TENM2: variants seen among roughly 807,000 people sequenced by gnomAD.
TENM2 encodes the protein teneurin-2.
In TENM2, 52 loss-of-function variants were observed where a neutral mutation model predicts 245.2. The ratio of observed to expected loss-of-function variants is 0.21; its 90% CI spans 0.17 to 0.27. The LOEUF (loss-of-function observed/expected upper bound fraction) is 0.27. TENM2 is among the 10% of genes least tolerant of loss of function. TENM2 has a pLI of 1.00. For missense variants in TENM2, 3,046 were observed against 3,666.8 expected (o/e 0.83, Z 4.37); for synonymous variants, 1,363 against 1,438.9 (o/e 0.95, Z 1.19).
At chr5:167,949,803 A>C (rs1044688739) in intron 3 of TENM2, among the ~76,000 whole-genome samples, 3 of 152,140 alleles carry the variant, frequency 2.0e-5, no homozygotes, top group African/African-American at 7.2e-5. Context: ...CCCAGGGGTC[A>C]CATTTACCAC....
At chr5:167,081,920 A>G in the TENM2 span, among the ~76,000 whole-genome samples, 1 of 152,104 alleles carries the variant, frequency 6.6e-6, no homozygotes, top group Non-Finnish European at 1.5e-5. Flanking sequence ...CTTCTGCAAA[A>G]TTGTGTTAAA....
chr5:167,363,301 G>C (rs946324566), intron 1 of TENM2, among the ~76,000 whole-genome samples: 1 of 152,082 alleles, frequency 6.6e-6, no homozygotes, highest in Non-Finnish European at 1.5e-5. Context: ...CTAAAAAGAG[G>C]TATGTGTTCA....
chr5:167,631,626 A>G (rs1478200055), intron 2 of TENM2, among the ~76,000 whole-genome samples: 2 of 152,140 alleles, frequency 1.3e-5, no homozygotes, highest in African/African-American at 4.8e-5. Context: ...GTCGCTGAGC[A>G]TGTACCATAT....
intron 2 of TENM2, among the ~76,000 whole-genome samples, chr5:167,445,328 T>TAGAGAGAGAGAGAGAGAGAGAGAGAG (rs1324065066): frequency 3.0e-5 from 1 of 33,178 alleles, no homozygotes. Flanking sequence ...TATATATATA[T>TAGAGAGAGAGAGAGAGAGAGAGAGAG]ATATATATAG....
intron 2 of TENM2, among the ~76,000 whole-genome samples, chr5:167,414,391 A>C (rs765462703): frequency 8.5e-5 from 13 of 152,182 alleles, no homozygotes; most frequent in Admixed American, 3.3e-4. Context: ...TCTTTAAAAA[A>C]TTGATTGGAA....
At chr5:167,238,424 G>C in the TENM2 span, among the ~76,000 whole-genome samples, 7 of 152,092 alleles carry the variant, frequency 4.6e-5, no homozygotes, top group Admixed American at 2.0e-4. Flanking sequence ...AGTATTTCCT[G>C]CTTCTCCCCT....
At chr5:167,825,233 C>G (rs1365150355) in intron 2 of TENM2, among the ~76,000 whole-genome samples, 1 of 151,982 alleles carries the variant, frequency 6.6e-6, no homozygotes, top group Non-Finnish European at 1.5e-5. Context: ...GACACATAAT[C>G]CAGCAGATCA....
intron 9 of TENM2, among the ~76,000 whole-genome samples, chr5:168,098,652 T>TCC (rs1041133140): frequency 1.3e-5 from 2 of 152,160 alleles, no homozygotes; most frequent in African/African-American, 2.4e-5. Context: ...AAAATGCTTC[T>TCC]CACAAGAACA....
At chr5:167,579,589 C>A (rs1774944012) in intron 2 of TENM2, among the ~76,000 whole-genome samples, 1 of 152,208 alleles carries the variant, frequency 6.6e-6, no homozygotes, top group Admixed American at 6.5e-5. Context: ...GATCTGTGGT[C>A]ACTGCAGTTC....
At chr5:167,779,203 T>G (rs561642619) in intron 2 of TENM2, among the ~76,000 whole-genome samples, 194 of 152,284 alleles carry the variant, frequency 1.3e-3, no homozygotes, top group African/African-American at 4.4e-3. Context: ...TGCTGCATGT[T>G]GTAAGTAGGG....
intron 10 of TENM2, among the ~76,000 whole-genome samples, chr5:168,121,706 A>G (rs562538689): frequency 8.7e-4 from 130 of 150,050 alleles, no homozygotes; most frequent in Admixed American, 4.0e-3. Context: ...TCCTTCTAAG[A>G]AAAAGATTGT....
At position 168,004,803 on chromosome 5, in the gene TENM2, C is replaced by T. The variant is rs1784698628; in HGVS notation, c.1186+11621C>T. Among the ~76,000 whole-genome samples the T allele has an allele frequency of 2.6e-5, 4 of 151,358 alleles. No homozygotes were observed. In the Admixed American group the frequency reaches 2.6e-4, roughly 10 times the overall value. ...ACCTTTAAATCGCCTTGGGGGAAAT[C>T]CAGATTTATCCTGCTCTGTCACGGT... On this transcript the variant is annotated intron_variant, in intron 5 of 28. Coordinates refer to ENST00000518659, the Ensembl canonical transcript of TENM2.
chr5:167,422,672 T>C (rs952566828), intron 2 of TENM2, among the ~76,000 whole-genome samples: 2 of 152,210 alleles, frequency 1.3e-5, no homozygotes, highest in Admixed American at 1.3e-4. Flanking sequence ...AACAGTCTAT[T>C]TGATGTCTAT....
chr5:167,034,629 C>CA, the TENM2 span, among the ~76,000 whole-genome samples: 21,730 of 72,280 alleles, frequency 0.3, 4,476 homozygotes, highest in Non-Finnish European at 0.32. Context: ...GACTCCGTCT[C>CA]AAAAAAAAAA....
In TENM2 at chr5:167,853,636, G is replaced by A. The variant is rs1334350919; in HGVS notation, c.503-22350G>A. Among the ~76,000 whole-genome samples, 7 of 152,282 alleles carry A rather than the reference G, an allele frequency of 4.6e-5. 1 individual carries two copies. The highest frequency in any genetic ancestry group is 4.6e-4 in the Admixed American group (7 of 15,296). Reference sequence around the variant, plus strand: ...AAGACTTGGCATATTTTACTGGAAAGGTTGAAGTAATTTCTCCACCCTTAA... The same window carrying A: ...AAGACTTGGCATATTTTACTGGAAAAGTTGAAGTAATTTCTCCACCCTTAA... On this transcript the variant is annotated intron_variant, in intron 2 of 28. Coordinates refer to ENST00000518659, the Ensembl canonical transcript of TENM2.
intron 13 of TENM2, among the ~76,000 whole-genome samples, chr5:168,180,751 A>T (rs974014525): frequency 6.6e-6 from 1 of 151,132 alleles, no homozygotes; most frequent in Non-Finnish European, 1.5e-5. Context: ...AAAATAAAAA[A>T]ATTAGCTGGG....
intron 4 of TENM2, among the ~76,000 whole-genome samples, chr5:167,956,822 C>T (rs907530311): frequency 3.3e-5 from 5 of 152,070 alleles, no homozygotes; most frequent in Admixed American, 2.0e-4. Flanking sequence ...GGGATGAAAC[C>T]GACTTGATCA....
chr5:167,660,609 C>G (rs1755147246), intron 2 of TENM2: 2 of 150,772 alleles, frequency 1.3e-5, no homozygotes, highest in African/African-American at 4.9e-5. Flanking sequence ...ATTAAAGGCT[C>G]TAAGAAGTCA....
At chr5:167,603,361 C>T (rs1431362021) in intron 2 of TENM2, among the ~76,000 whole-genome samples, 4 of 151,972 alleles carry the variant, frequency 2.6e-5, no homozygotes, top group South Asian at 2.1e-4. Context: ...AAATAGTGTC[C>T]AGGTTAAGAG....
Sources: gnomAD v4.1 joint callset for allele counts (sites outside exome capture counted in the v4.1 genomes callset) on GRCh38, gnomAD v4.1.1 for gene constraint, MANE v1.5 for transcripts, NCBI Gene and HGNC (gene_info 2026-07-23, HGNC 2026-07-21) for gene names.